Variants in CCDC150 observed in about 807,000 individuals in gnomAD.
CCDC150 encodes coiled-coil domain containing 150, also known as coiled-coil domain-containing protein 150.
In CCDC150, 151 loss-of-function variants were observed where a neutral mutation model predicts 156.5. The observed-to-expected ratio is 0.97, with a 90% CI of 0.85 to 1.10. The LOEUF is 1.10. Among genes scored for constraint, CCDC150 ranks in the 50% least tolerant of loss-of-function variants. The pLI is 0.00. For missense variants in CCDC150, 1,312 were observed against 1,268.1 expected (o/e 1.03, Z -0.53); for synonymous variants, 452 against 429.4 (o/e 1.05, Z -0.65).
intron 14 of CCDC150, among the ~76,000 whole-genome samples, chr2:196,698,332 A>C (rs1008542896): frequency 2.6e-5 from 4 of 152,186 alleles, no homozygotes; most frequent in African/African-American, 9.6e-5. Context: ...TCGTTTGTAC[A>C]TTAGCATTCT....
Position 196,677,286 on chromosome 2 carries a change from T to C in CCDC150, c.1441-7T>C. The C allele has an allele frequency of 6.4e-7, 1 of 1,560,880 alleles. No homozygotes were observed. ...TATTCCTTTTTTTTCCCATCCTCCT[T>C]GGGCAGGTTAATAAAACAGAAAAAG... On this transcript the variant is annotated splice_region_variant and splice_polypyrimidine_tract_variant and intron_variant, in intron 12 of 27. Coordinates refer to ENST00000389175, the MANE Select transcript of CCDC150 (RefSeq NM_001080539.2).
chr2:196,706,547 A>G (rs542033927), intron 15 of CCDC150, among the ~76,000 whole-genome samples: 5 of 152,284 alleles, frequency 3.3e-5, no homozygotes, highest in East Asian at 3.9e-4. Flanking sequence ...TTACAATACT[A>G]TGTTGAATAG....
At chr2:196,685,120 T>C (rs933125999) in intron 13 of CCDC150, among the ~76,000 whole-genome samples, 6 of 152,158 alleles carry the variant, frequency 3.9e-5, no homozygotes, top group African/African-American at 1.2e-4. Context: ...TGTTCCTCTA[T>C]TTCTCAATTA....
At chr2:196,680,674 T>A (rs1694764412) in intron 13 of CCDC150, among the ~76,000 whole-genome samples, 1 of 152,198 alleles carries the variant, frequency 6.6e-6, no homozygotes, top group African/African-American at 2.4e-5. Context: ...TTAATGATTC[T>A]GTGAGCATTC....
chr2:196,665,541 T>C (rs1693790152), intron 5 of CCDC150, 26 bp from the exon 6 acceptor site: 2 of 1,398,126 alleles, frequency 1.4e-6, no homozygotes, highest in East Asian at 4.8e-5. Context: ...CAATTGGTCT[T>C]GCCTAACTGC....
intron 1 of CCDC150, among the ~76,000 whole-genome samples, chr2:196,640,738 A>G (rs1194723884): frequency 6.6e-6 from 1 of 152,204 alleles, no homozygotes; most frequent in Admixed American, 6.5e-5. Context: ...AGTATATCTA[A>G]CCACTAACCA....
intron 1 of CCDC150, among the ~76,000 whole-genome samples, chr2:196,641,797 A>T (rs980858509): frequency 3.4e-4 from 51 of 152,056 alleles, no homozygotes; most frequent in African/African-American, 1.2e-3. Context: ...TGGTTGTGAT[A>T]AACAACATTG....
chr2:196,646,264 C>G, intron 1 of CCDC150, 77 bp from the exon 2 acceptor site: 2 of 1,369,410 alleles, frequency 1.5e-6, no homozygotes, highest in Non-Finnish European at 2.1e-6. Flanking sequence ...GATGCCTAAT[C>G]CTGGCACAGG....
At chr2:196,653,451 C>T (rs977201125) in intron 2 of CCDC150, among the ~76,000 whole-genome samples, 2 of 152,192 alleles carry the variant, frequency 1.3e-5, no homozygotes, top group African/African-American at 4.8e-5. Context: ...TCCTTAAGGG[C>T]ACGGACACAG....
intron 13 of CCDC150, among the ~76,000 whole-genome samples, chr2:196,681,167 A>G (rs749907000): frequency 6.6e-6 from 1 of 152,038 alleles, no homozygotes; most frequent in African/African-American, 2.4e-5. Context: ...GTCTCTATGG[A>G]TTTACCTATT....
chr2:196,695,358 A>G (rs868246998), intron 14 of CCDC150, among the ~76,000 whole-genome samples, 199 bp downstream of exon 14: 9 of 152,230 alleles, frequency 5.9e-5, no homozygotes, highest in Non-Finnish European at 7.3e-5. Flanking sequence ...TGCCTTCACA[A>G]TCTGTGTTAC....
chr2:196,662,857 G>A (rs949710213), intron 5 of CCDC150, among the ~76,000 whole-genome samples: 3 of 152,086 alleles, frequency 2.0e-5, no homozygotes, highest in Non-Finnish European at 4.4e-5. Flanking sequence ...GATCACTTGA[G>A]CCTGGGAGGT....
At chr2:196,646,230 C>A in intron 1 of CCDC150, 111 bp from the exon 2 acceptor site, 1 of 959,486 alleles carries the variant, frequency 1.0e-6, no homozygotes, top group Non-Finnish European at 1.6e-6. Context: ...AACACATCAC[C>A]ATTCCTGAGT....
intron 15 of CCDC150, among the ~76,000 whole-genome samples, chr2:196,707,166 T>C (rs1188120846): frequency 3.9e-5 from 6 of 152,198 alleles, no homozygotes; most frequent in Non-Finnish European, 7.3e-5. Context: ...TGGTAGGCTA[T>C]TATTGCCTCA....
At chr2:196,665,515 G>A (rs1201005770) in intron 5 of CCDC150, 52 bp from the exon 6 acceptor site, 2 of 1,073,554 alleles carry the variant, frequency 1.9e-6, no homozygotes, top group Non-Finnish European at 2.7e-6. Flanking sequence ...TTTGATCTTT[G>A]TTAAACTAGT....
chr2:196,658,219 G>C (rs1693338152), intron 4 of CCDC150, among the ~76,000 whole-genome samples: 2 of 152,018 alleles, frequency 1.3e-5, no homozygotes, highest in Non-Finnish European at 2.9e-5. Flanking sequence ...TCTGATCTAG[G>C]GTTGTGGCAT....
chr2:196,716,236 T>C (rs1472732895), intron 17 of CCDC150, among the ~76,000 whole-genome samples: 1 of 152,220 alleles, frequency 6.6e-6, no homozygotes, highest in East Asian at 1.9e-4. Flanking sequence ...TACCACCATA[T>C]GACCCAGTCA....
chr2:196,667,660 T>G (rs960472499), intron 7 of CCDC150: 2 of 152,348 alleles, frequency 1.3e-5, no homozygotes, highest in East Asian at 3.9e-4. Flanking sequence ...ACCTGGATCT[T>G]CTAACTCCAA....
chr2:196,667,908 A>G (rs1461957658), intron 7 of CCDC150: 1 of 152,216 alleles, frequency 6.6e-6, no homozygotes, highest in Non-Finnish European at 1.5e-5. Flanking sequence ...TTGTGTGCCT[A>G]CAAAAATACA....
Sources: allele counts gnomAD v4.1 joint callset (sites outside exome capture counted in the v4.1 genomes callset), GRCh38; gene constraint gnomAD v4.1.1; transcripts MANE v1.5; gene names NCBI Gene and HGNC (gene_info 2026-07-23, HGNC 2026-07-21).